The following NRG3 variants were observed in gnomAD, a reference collection of about 807,000 sequenced individuals.
NRG3 encodes the protein pro-neuregulin-3, membrane-bound isoform.
NRG3 carries 31 observed loss-of-function variants against 66.9 expected under a neutral mutation model. The ratio of observed to expected loss-of-function variants is 0.46; its 90% CI spans 0.35 to 0.63. NRG3 has a LOEUF of 0.63. Among genes scored for constraint, NRG3 ranks in the 20% least tolerant of loss-of-function variants. NRG3 has a pLI of 0.00. For missense variants in NRG3, 910 were observed against 878.9 expected, an observed-to-expected ratio of 1.04 and a Z score of -0.45; for synonymous variants, 393 against 359.4, an observed-to-expected ratio of 1.09 and a Z score of -1.06.
At chr10:82,577,069 A>G (rs1275240163) in intron 2 of NRG3, among the ~76,000 whole-genome samples, 3 of 151,794 alleles carry the variant, frequency 2.0e-5, no homozygotes, top group Admixed American at 6.6e-5. Context: ...GGTTGCAGTT[A>G]TTCAAGAGAT....
intron 3 of NRG3, among the ~76,000 whole-genome samples, chr10:82,818,300 G>A (rs369072220): frequency 6.6e-6 from 1 of 152,070 alleles, no homozygotes; most frequent in Non-Finnish European, 1.5e-5. Flanking sequence ...CCACTTGCTG[G>A]TTCTGGCCAG....
intron 2 of NRG3, among the ~76,000 whole-genome samples, chr10:82,468,105 A>G (rs573766435): frequency 1.3e-5 from 2 of 152,316 alleles, no homozygotes; most frequent in African/African-American, 2.4e-5. Context: ...CTTTATATAG[A>G]TAAGAAACTG....
At chr10:82,061,426 T>G (rs534796062) in intron 1 of NRG3, among the ~76,000 whole-genome samples, 17 of 152,100 alleles carry the variant, frequency 1.1e-4, no homozygotes, top group South Asian at 2.1e-4. Flanking sequence ...TCCTTGGAGA[T>G]CTAGTTGAAT....
At chr10:82,326,091 C>T (rs1173222862) in intron 1 of NRG3, among the ~76,000 whole-genome samples, 1 of 152,096 alleles carries the variant, frequency 6.6e-6, no homozygotes, top group African/African-American at 2.4e-5. Context: ...GCTGGATTTT[C>T]TCAGCTGTTG....
intron 2 of NRG3, among the ~76,000 whole-genome samples, chr10:82,735,184 G>C (rs754887651): frequency 6.6e-6 from 1 of 152,182 alleles, no homozygotes; most frequent in Non-Finnish European, 1.5e-5. Flanking sequence ...CTTGTGAACT[G>C]AGTTTGCTGT....
intron 3 of NRG3, among the ~76,000 whole-genome samples, chr10:82,844,649 G>T (rs1488424638): frequency 6.7e-6 from 1 of 150,002 alleles, no homozygotes; most frequent in African/African-American, 2.5e-5. Flanking sequence ...TAATCTCCTA[G>T]GATCCAAAAC....
intron 2 of NRG3, among the ~76,000 whole-genome samples, chr10:82,706,791 C>A (rs112007308): frequency 0.022 from 3,297 of 151,876 alleles, 133 homozygotes; most frequent in African/African-American, 0.076. Flanking sequence ...GTCAGGGGTT[C>A]AAGACCAGCC....
intron 1 of NRG3, among the ~76,000 whole-genome samples, chr10:82,094,967 C>T (rs1464578299): frequency 3.3e-5 from 5 of 152,114 alleles, no homozygotes; most frequent in Non-Finnish European, 5.9e-5. Context: ...CACTAAAAGC[C>T]CTGACTTGAC....
intron 2 of NRG3, among the ~76,000 whole-genome samples, chr10:82,451,278 G>A (rs1260710437): frequency 6.6e-6 from 1 of 152,018 alleles, no homozygotes; most frequent in Non-Finnish European, 1.5e-5. Context: ...TTGAACCCAA[G>A]CAGTCTTCCT....
At chr10:82,273,519 G>A (rs1220311058) in intron 1 of NRG3, among the ~76,000 whole-genome samples, 1 of 151,848 alleles carries the variant, frequency 6.6e-6, no homozygotes, top group African/African-American at 2.4e-5. Context: ...ATAACCCACA[G>A]AATTTTAATG....
intron 1 of NRG3, among the ~76,000 whole-genome samples, chr10:81,953,013 G>A (rs1487786326): frequency 2.6e-5 from 4 of 152,064 alleles, no homozygotes; most frequent in East Asian, 3.9e-4. Context: ...CTGCAAGTTG[G>A]TCACCTGCAA....
rs181923242 is a variant in NRG3 at position 82,268,778 on chromosome 10, G to A, written c.824-89961G>A. Among the ~76,000 whole-genome samples, 475 of 152,130 alleles carry A rather than the reference G, an allele frequency of 3.1e-3. 1 individual carries two copies. The highest frequency in any genetic ancestry group is 5.5e-3 in the Non-Finnish European group (371 of 67,986). ...GGATTGATTTCAGTGTTTCTCTGGGGGATGGGGTAATGGGGGATAGATGGT... is the reference window on the plus strand; with the variant it reads ...GGATTGATTTCAGTGTTTCTCTGGGAGATGGGGTAATGGGGGATAGATGGT... On this transcript the variant is annotated intron_variant, in intron 1 of 8. Transcript: ENST00000372141.
At chr10:81,954,736 T>C (rs566537421) in intron 1 of NRG3, among the ~76,000 whole-genome samples, 2 of 152,246 alleles carry the variant, frequency 1.3e-5, no homozygotes, top group East Asian at 3.9e-4. Context: ...TAGACATTTG[T>C]TCTAGACAGG....
intron 2 of NRG3, among the ~76,000 whole-genome samples, chr10:82,633,474 TG>T (rs1565149034): frequency 6.6e-6 from 1 of 152,072 alleles, no homozygotes; most frequent in South Asian, 2.1e-4. Flanking sequence ...CCAATAGAGT[TG>T]GGAGGGTGAA....
chr10:82,629,948 G>A (rs1163796240), intron 2 of NRG3, among the ~76,000 whole-genome samples: 10 of 152,072 alleles, frequency 6.6e-5, no homozygotes, highest in South Asian at 2.1e-4. Flanking sequence ...AAAAGCAGAT[G>A]TCCCAATGAA....
intron 1 of NRG3, among the ~76,000 whole-genome samples, chr10:82,011,321 G>T (rs2061564808): frequency 1.3e-5 from 2 of 152,056 alleles, no homozygotes; most frequent in Non-Finnish European, 2.9e-5. Context: ...ACAGTATGAG[G>T]ACACCCACGC....
chr10:82,830,935 C>G (rs897666431), intron 3 of NRG3, among the ~76,000 whole-genome samples: 1 of 152,128 alleles, frequency 6.6e-6, no homozygotes, highest in Non-Finnish European at 1.5e-5. Flanking sequence ...TGGGCTGATA[C>G]AGAACATGCA....
At chr10:82,116,807 C>T (rs895033211) in intron 1 of NRG3, among the ~76,000 whole-genome samples, 3 of 152,062 alleles carry the variant, frequency 2.0e-5, no homozygotes, top group Non-Finnish European at 2.9e-5. Context: ...TCTTCCTGCC[C>T]GATTTATAGA....
chr10:82,031,217 A>G (rs1014454976), intron 1 of NRG3, among the ~76,000 whole-genome samples: 1 of 152,146 alleles, frequency 6.6e-6, no homozygotes, highest in Admixed American at 6.5e-5. Flanking sequence ...GCACACATCT[A>G]TTAGTGCTAA....
Sources: gnomAD v4.1 joint callset for allele counts (sites outside exome capture counted in the v4.1 genomes callset) on GRCh38, gnomAD v4.1.1 for gene constraint, MANE v1.5 for transcripts, NCBI Gene and HGNC (gene_info 2026-07-23, HGNC 2026-07-21) for gene names.